The following SMYD3 variants were observed in gnomAD, a reference collection of about 807,000 sequenced individuals.
SMYD3 encodes SET and MYND domain containing 3.
Under a neutral mutation model 57.7 loss-of-function variants are expected in SMYD3, and 36 were observed. That is an observed-to-expected ratio of 0.62 (90% CI 0.48 to 0.82). The LOEUF is 0.82. Among genes scored for constraint, SMYD3 ranks in the 40% least tolerant of loss-of-function variants. The probability of loss-of-function intolerance (pLI) is 0.00; values close to 1 mark genes in which losing one functional copy is unlikely to be tolerated. For synonymous variants in SMYD3, 211 were observed against 195.0 expected, an observed-to-expected ratio of 1.08 and a Z score of -0.68; for missense variants, 515 against 538.8, an observed-to-expected ratio of 0.96 and a Z score of 0.44.
intron 2 of SMYD3, among the ~76,000 whole-genome samples, chr1:246,348,878 T>G (rs151205365): frequency 6.6e-6 from 1 of 152,052 alleles, no homozygotes; most frequent in Non-Finnish European, 1.5e-5. Flanking sequence ...AACTTACATA[T>G]AGAGGAACAA....
At chr1:245,926,488 T>C (rs765043446) in intron 7 of SMYD3, among the ~76,000 whole-genome samples, 1 of 152,202 alleles carries the variant, frequency 6.6e-6, no homozygotes, top group Non-Finnish European at 1.5e-5. Context: ...TGAAGGGCTT[T>C]ACACTGAGTG....
At chr1:246,266,273 T>C (rs1195844677) in intron 5 of SMYD3, among the ~76,000 whole-genome samples, 3 of 152,198 alleles carry the variant, frequency 2.0e-5, no homozygotes, top group African/African-American at 7.2e-5. Context: ...TCATGCCCTG[T>C]CCATCCATCC....
intron 1 of SMYD3, among the ~76,000 whole-genome samples, chr1:246,357,512 T>C (rs887251421): frequency 2.0e-5 from 3 of 152,234 alleles, no homozygotes; most frequent in African/African-American, 7.2e-5. Flanking sequence ...GGCTGCTCTA[T>C]GGAGTAGCCA....
chr1:245,825,028 C>G (rs2049404209), intron 10 of SMYD3, among the ~76,000 whole-genome samples: 1 of 152,080 alleles, frequency 6.6e-6, no homozygotes, highest in South Asian at 2.1e-4. Context: ...AAGACTCTGT[C>G]TCAAAAGAAA....
chr1:245,898,646 T>G (rs2053985846), intron 8 of SMYD3, among the ~76,000 whole-genome samples: 1 of 152,222 alleles, frequency 6.6e-6, no homozygotes, highest in South Asian at 2.1e-4. Context: ...TCAGGGGCTA[T>G]TTCAATAACC....
intron 5 of SMYD3, among the ~76,000 whole-genome samples, chr1:245,952,584 A>G (rs1455286135): frequency 1.3e-5 from 2 of 152,192 alleles, no homozygotes; most frequent in East Asian, 1.9e-4. Context: ...GTTGATGGGC[A>G]TCACTGTTAC....
At chr1:245,942,186 G>A (rs2057271937) in intron 5 of SMYD3, among the ~76,000 whole-genome samples, 1 of 152,182 alleles carries the variant, frequency 6.6e-6, no homozygotes, top group South Asian at 2.1e-4. Flanking sequence ...AGAATGGCAA[G>A]CTGGATGAAC....
Position 246,478,816 on chromosome 1 carries a change from A to G in SMYD3, c.164+28238T>C, listed in dbSNP as rs28440833. Among the ~76,000 whole-genome samples, 173 of 88,334 alleles carry G rather than the reference A, an allele frequency of 2.0e-3. 20 individuals are homozygous for G. Among genetic ancestry groups the G allele is most frequent in the East Asian group, 5.3e-3 (7 of 1,314 alleles). The allele number at this position is 88,334 out of a possible 152,430, so 58.0% of individuals were successfully genotyped here. ...TCCTGGAGCTGGTACATAAGTGCTC[A>G]TATATGCACACCTGTCCTCCGTCCT... On this transcript the variant is annotated intron_variant, in intron 1 of 11. Coordinates refer to ENST00000490107, the MANE Select transcript of SMYD3 (RefSeq NM_001167740.2).
intron 5 of SMYD3, among the ~76,000 whole-genome samples, chr1:246,065,693 CA>C (rs1280632639): frequency 2.0e-5 from 3 of 152,148 alleles, no homozygotes; most frequent in Admixed American, 2.0e-4. Context: ...AAATTCACAC[CA>C]GAAATTATTA....
chr1:246,379,696 T>C (rs2066356067), intron 1 of SMYD3, among the ~76,000 whole-genome samples: 1 of 152,210 alleles, frequency 6.6e-6, no homozygotes, highest in South Asian at 2.1e-4. Context: ...TTAATCCAAC[T>C]GACTTTTAAA....
intron 11 of SMYD3, among the ~76,000 whole-genome samples, chr1:245,758,907 C>G (rs2045718828): frequency 6.6e-6 from 1 of 152,128 alleles, no homozygotes; most frequent in Admixed American, 6.5e-5. Flanking sequence ...TTTGAGTATT[C>G]TGTTATGAGA....
chr1:246,126,237 T>G (rs1351698943), intron 5 of SMYD3, among the ~76,000 whole-genome samples: 3 of 152,196 alleles, frequency 2.0e-5, no homozygotes, highest in Non-Finnish European at 4.4e-5. Context: ...GGGACCATTT[T>G]CAGTATTTTC....
At chr1:245,896,377 GC>G (rs1263492370) in intron 8 of SMYD3, among the ~76,000 whole-genome samples, 4 of 73,454 alleles carry the variant, frequency 5.4e-5, no homozygotes, top group African/African-American at 2.4e-4. Flanking sequence ...ACCAAAAATA[GC>G]TTTGCCAAGT....
At chr1:245,865,140 C>T (rs2051763076) in intron 8 of SMYD3, among the ~76,000 whole-genome samples, 1 of 152,172 alleles carries the variant, frequency 6.6e-6, no homozygotes, top group South Asian at 2.1e-4. Flanking sequence ...CTGATATTTA[C>T]TGATATTGAT....
intron 5 of SMYD3, among the ~76,000 whole-genome samples, chr1:246,076,212 C>T (rs2060543533): frequency 6.6e-6 from 1 of 152,124 alleles, no homozygotes; most frequent in South Asian, 2.1e-4. Context: ...AAAGAAAGCA[C>T]CAAAAGACAA....
At chr1:246,089,609 A>G (rs2060785825) in intron 5 of SMYD3, among the ~76,000 whole-genome samples, 2 of 152,184 alleles carry the variant, frequency 1.3e-5, no homozygotes, top group South Asian at 4.1e-4. Flanking sequence ...TTTGGTTTCT[A>G]AAAATATTTC....
intron 1 of SMYD3, among the ~76,000 whole-genome samples, chr1:246,461,098 G>A (rs552383449): frequency 9.2e-5 from 14 of 152,304 alleles, no homozygotes; most frequent in African/African-American, 2.9e-4. Flanking sequence ...TCTGAAAAAT[G>A]TAAGTTAAAG....
intron 8 of SMYD3, among the ~76,000 whole-genome samples, chr1:245,872,349 C>T (rs140860753): frequency 1.8e-4 from 27 of 152,252 alleles, no homozygotes; most frequent in African/African-American, 5.8e-4. Context: ...AAAGTTCCCG[C>T]CTCCTGCTGC....
intron 11 of SMYD3, among the ~76,000 whole-genome samples, chr1:245,760,352 C>G (rs895032561): frequency 2.6e-5 from 4 of 152,116 alleles, no homozygotes; most frequent in Non-Finnish European, 5.9e-5. Flanking sequence ...AGAGTATAGC[C>G]TCCCTTTTCC....
Sources: allele counts gnomAD v4.1 joint callset (sites outside exome capture counted in the v4.1 genomes callset), GRCh38; gene constraint gnomAD v4.1.1; transcripts MANE v1.5; gene names NCBI Gene and HGNC (gene_info 2026-07-23, HGNC 2026-07-21).